MYO3B: variants seen among roughly 807,000 people sequenced by gnomAD.
MYO3B encodes myosin-IIIb.
A neutral mutation model predicts 174.6 loss-of-function variants in MYO3B; 156 were observed. The ratio of observed to expected loss-of-function variants is 0.89; its 90% CI spans 0.78 to 1.02. The LOEUF (loss-of-function observed/expected upper bound fraction) is 1.02, where lower values mean the gene tolerates loss of function less well. Among genes scored for constraint, MYO3B ranks in the 50% least tolerant of loss-of-function variants. MYO3B has a pLI of 0.00. For synonymous variants in MYO3B, 563 were observed against 569.1 expected, an observed-to-expected ratio of 0.99 and a Z score of 0.15; for missense variants, 1,632 against 1,639.4, an observed-to-expected ratio of 1.00 and a Z score of 0.08.
chr2:170,196,973 C>A (rs1453926906), intron 1 of MYO3B, among the ~76,000 whole-genome samples: 5 of 151,872 alleles, frequency 3.3e-5, no homozygotes, highest in African/African-American at 1.2e-4. Flanking sequence ...CAGATAACAT[C>A]ACTATTTTTG....
chr2:170,612,330 G>C (rs1695173559), intron 32 of MYO3B, among the ~76,000 whole-genome samples: 1 of 152,218 alleles, frequency 6.6e-6, no homozygotes, highest in Non-Finnish European at 1.5e-5. Flanking sequence ...AAGCTTGGCA[G>C]CGCCAGTGCT....
intron 3 of MYO3B, among the ~76,000 whole-genome samples, chr2:170,208,695 A>G (rs6433177): frequency 0.61 from 93,438 of 151,998 alleles, 29,701 homozygotes; most frequent in African/African-American, 0.8. Flanking sequence ...GGTAAGTTTT[A>G]AAACATAATT....
intron 3 of MYO3B, 23 bp from the exon 4 acceptor site, chr2:170,214,356 G>A: frequency 6.3e-7 from 1 of 1,597,960 alleles, no homozygotes; most frequent in Non-Finnish European, 8.6e-7. Flanking sequence ...TGCTCTCCCT[G>A]TGTCTGGCAC....
chr2:170,362,030 A>T (rs893421202), intron 8 of MYO3B, among the ~76,000 whole-genome samples: 5 of 152,168 alleles, frequency 3.3e-5, no homozygotes, highest in African/African-American at 1.2e-4. Flanking sequence ...ACCCTGGGGC[A>T]TTACAGGGTT....
intron 7 of MYO3B, among the ~76,000 whole-genome samples, chr2:170,288,474 A>G (rs1286924382): frequency 6.6e-6 from 1 of 151,524 alleles, no homozygotes; most frequent in Non-Finnish European, 1.5e-5. Context: ...GGTATTTCAT[A>G]TTTTTTGCAG....
intron 7 of MYO3B, among the ~76,000 whole-genome samples, chr2:170,294,681 T>A (rs1518733): frequency 6.6e-6 from 1 of 151,916 alleles, no homozygotes; most frequent in Non-Finnish European, 1.5e-5. Context: ...CTCATACTCA[T>A]TGAAACTACC....
At chr2:170,367,004 G>T (rs1376047065) in intron 8 of MYO3B, among the ~76,000 whole-genome samples, 1 of 137,252 alleles carries the variant, frequency 7.3e-6, no homozygotes, top group African/African-American at 2.6e-5. Context: ...CTGCCCTGAG[G>T]TACCTATATT....
rs186987837 is a variant in MYO3B, at chr2:170,337,022, C to T, written c.815+1572C>T. On this transcript the variant is annotated intron_variant, in intron 8 of 34. Transcript: ENST00000408978. ...GTATCTCGTTGCCCCTTTAGCCCCA[C>T]GTTGACATTTTTGTCCTGGCTGCAG... 1.5e-3 allele frequency among the ~76,000 whole-genome samples: 225 copies of T among 151,520 alleles called. 1 individual carries two copies. The highest frequency in any genetic ancestry group is 3.6e-3 in the South Asian group (17 of 4,766).
At chr2:170,251,583 G>C (rs1228669355) in intron 7 of MYO3B, among the ~76,000 whole-genome samples, 1 of 152,172 alleles carries the variant, frequency 6.6e-6, no homozygotes, top group African/African-American at 2.4e-5. Context: ...TTTAGACACA[G>C]AGACAGACAC....
At chr2:170,304,328 G>A (rs113477234) in intron 7 of MYO3B, among the ~76,000 whole-genome samples, 2,637 of 151,890 alleles carry the variant, frequency 0.017, 33 homozygotes, top group South Asian at 0.044. Context: ...CCAATATGAT[G>A]GATAAAATTA....
At chr2:170,386,568 T>C (rs1456746731) in intron 13 of MYO3B, among the ~76,000 whole-genome samples, 1 of 152,128 alleles carries the variant, frequency 6.6e-6, no homozygotes, top group Admixed American at 6.5e-5. Flanking sequence ...GGTTAAGCAC[T>C]AGGAACAGGA....
At chr2:170,534,183 C>T (rs1003984683) in intron 30 of MYO3B, among the ~76,000 whole-genome samples, 2 of 152,198 alleles carry the variant, frequency 1.3e-5, no homozygotes, top group African/African-American at 4.8e-5. Context: ...TCTCTAACAG[C>T]ATGTGCTTAC....
chr2:170,457,257 G>A (rs930601859), intron 23 of MYO3B, among the ~76,000 whole-genome samples: 13 of 152,028 alleles, frequency 8.6e-5, no homozygotes, highest in African/African-American at 2.9e-4. Flanking sequence ...ATTTTAAAAT[G>A]CATTTTATTC....
intron 7 of MYO3B, among the ~76,000 whole-genome samples, chr2:170,278,658 T>C (rs1358033056): frequency 6.6e-6 from 1 of 152,106 alleles, no homozygotes; most frequent in Non-Finnish European, 1.5e-5. Flanking sequence ...CAATAAATTG[T>C]CACTAAATTT....
At chr2:170,386,069 G>A in intron 12 of MYO3B, 120 bp from the exon 13 acceptor site, 1 of 698,410 alleles carries the variant, frequency 1.4e-6, no homozygotes, top group South Asian at 1.9e-5. Flanking sequence ...GAAATAGGAA[G>A]ATGCCTAAGA....
chr2:170,613,847 C>G (rs1234313148), intron 32 of MYO3B, among the ~76,000 whole-genome samples: 5 of 152,166 alleles, frequency 3.3e-5, no homozygotes, highest in Non-Finnish European at 5.9e-5. Context: ...ACGTGGGACT[C>G]CAAGTTCCTC....
chr2:170,293,581 A>G (rs891618202), intron 7 of MYO3B, among the ~76,000 whole-genome samples: 4 of 152,094 alleles, frequency 2.6e-5, no homozygotes, highest in African/African-American at 9.7e-5. Context: ...GGCTTCCTGC[A>G]ATTCCCCTTT....
At chr2:170,516,234 A>G (rs892203954) in intron 29 of MYO3B, among the ~76,000 whole-genome samples, 3 of 151,842 alleles carry the variant, frequency 2.0e-5, no homozygotes, top group East Asian at 1.9e-4. Context: ...TCACACATTT[A>G]TATTTCTTCC....
chr2:170,544,590 A>T (rs182415817), intron 32 of MYO3B, among the ~76,000 whole-genome samples: 1 of 152,376 alleles, frequency 6.6e-6, no homozygotes, highest in East Asian at 1.9e-4. Context: ...CCAAGAAAAG[A>T]AATGCTCCTG....
Sources: gnomAD v4.1 joint callset for allele counts (sites outside exome capture counted in the v4.1 genomes callset) on GRCh38, gnomAD v4.1.1 for gene constraint, MANE v1.5 for transcripts, NCBI Gene and HGNC (gene_info 2026-07-23, HGNC 2026-07-21) for gene names.